LLGL2: variants seen among roughly 807,000 people sequenced by gnomAD.
LLGL2 encodes the protein LLGL scribble cell polarity complex component 2, also known as LLGL2, scribble cell polarity complex component.
In LLGL2, 81 loss-of-function variants were observed where a neutral mutation model predicts 123.2. That is an observed-to-expected ratio of 0.66 (90% CI 0.55 to 0.79). The LOEUF is 0.79. Ranked by LOEUF, LLGL2 falls within the 30% of genes least tolerant of loss-of-function variation. LLGL2 has a pLI of 0.00. For synonymous variants in LLGL2, 577 were observed against 594.1 expected (o/e 0.97, Z 0.42); for missense variants, 1,273 against 1,414.6 (o/e 0.90, Z 1.61).
intron 1 of LLGL2, chr17:75,542,593 T>C (rs1164534150): frequency 6.6e-6 from 1 of 152,216 alleles, no homozygotes; most frequent in Non-Finnish European, 1.5e-5. Context: ...GGCGGAGAGT[T>C]TAGGGGCCTT....
chr17:75,554,246 G>A (rs1387985417), intron 2 of LLGL2, among the ~76,000 whole-genome samples: 1 of 146,550 alleles, frequency 6.8e-6, no homozygotes, highest in South Asian at 2.1e-4. Context: ...AGTTTGCAGC[G>A]AGCCAAGATC....
intron 1 of LLGL2, among the ~76,000 whole-genome samples, chr17:75,532,336 C>T (rs1012221800): frequency 5.9e-5 from 9 of 151,942 alleles, no homozygotes; most frequent in Non-Finnish European, 4.4e-5. Context: ...CTGCAAGCTC[C>T]GCCTCCTGGG....
Position 75,558,998 on chromosome 17 carries a change from T to TCCTCCATCG in LLGL2, c.372-254_372-253insCCTCCATCG, listed in dbSNP as rs1568052703. 1 of 331,730 alleles carries TCCTCCATCG rather than the reference T, an allele frequency of 3.0e-6. No homozygotes were observed. Among genetic ancestry groups the TCCTCCATCG allele is most frequent in the Non-Finnish European group, 5.4e-6 (1 of 184,074 alleles). The allele number at this position is 331,730 out of a possible 1,614,324, so 20.5% of individuals were successfully genotyped here. On this transcript the variant is annotated intron_variant, in intron 5 of 25. Coordinates refer to ENST00000392550, the MANE Select transcript of LLGL2 (RefSeq NM_001031803.2). This position sits in a 1 kb window ranked among gnomAD's most constrained non-coding sequence, Gnocchi z 4.0. The stretch of plus-strand genomic sequence containing the variant: ...CCATCCGCACCCCGCCTCCTCCATC[T>TCCTCCATCG]GCACCCCGCCTCCTCCATCCGCACC...
At position 75,559,673 on chromosome 17, in the gene LLGL2, T is replaced by G. The variant is rs775993202; in HGVS notation, c.530+263T>G. 7.2e-5 allele frequency among the ~76,000 whole-genome samples: 11 copies of G among 152,234 alleles called. No homozygotes were observed. Among genetic ancestry groups the G allele is most frequent in the Non-Finnish European group, 1.3e-4 (9 of 68,036 alleles). On this transcript the variant is annotated intron_variant, in intron 6 of 25. Transcript: ENST00000392550. This position sits in a 1 kb window ranked among gnomAD's most constrained non-coding sequence, Gnocchi z 4.6. ...AATGACTGTGTAATGTCACCGACTG[T>G]CAGTCCAGTGTCCTTTGCACTTGCC...
intron 2 of LLGL2, among the ~76,000 whole-genome samples, chr17:75,552,020 T>G (rs976672060): frequency 1.3e-5 from 2 of 151,210 alleles, no homozygotes; most frequent in African/African-American, 4.9e-5. Context: ...TCCCAGCTAC[T>G]TGGGAGGCTG....
chr17:75,550,303 G>T (rs1175468986), intron 2 of LLGL2, among the ~76,000 whole-genome samples: 1 of 152,146 alleles, frequency 6.6e-6, no homozygotes, highest in Non-Finnish European at 1.5e-5. Flanking sequence ...GCTCAGGTGG[G>T]TACTTCCTTT....
chr17:75,571,960 A>G lies in LLGL2; in HGVS notation c.2356A>G (p.Ser786Gly), dbSNP rs1319225954. 1.2e-6 allele frequency: 2 copies of G among 1,612,850 alleles called. No homozygotes were observed. Among genetic ancestry groups the G allele is most frequent in the South Asian group, 1.1e-5 (1 of 91,082 alleles). ...VVGILVLDGH[S>G]VPLPEPLEVA... ...GGGCATCCTGGTGCTCGACGGACAC[A>G]GCGTACCCCTTCCCGAGCCCCTCGA... Residue 786 changes from serine to glycine, a missense_variant, in exon 19 of 26, where the codon AGC becomes GGC. Ser to Gly is a moderately conservative substitution (Grantham distance 56). Coordinates refer to ENST00000392550, the MANE Select transcript of LLGL2 (RefSeq NM_001031803.2).
Position 75,575,123 on chromosome 17 carries a change from C to T in LLGL2, c.*245C>T. 1 of 595,684 alleles carries T rather than the reference C, an allele frequency of 1.7e-6. No individual in the cohort carries two copies. The allele number at this position is 595,684 out of a possible 1,614,324, so 36.9% of individuals were successfully genotyped here. On this transcript the variant is annotated 3_prime_UTR_variant, in exon 26 of 26. Transcript: ENST00000392550. ...TTGCACAGTTTTTATTGCTCCCATCCCTTTTTGTAGTGGGCTGGGTTTTAA... is the reference window on the plus strand; with the variant it reads ...TTGCACAGTTTTTATTGCTCCCATCTCTTTTTGTAGTGGGCTGGGTTTTAA...
chr17:75,552,718 C>T (rs942752212), intron 2 of LLGL2, among the ~76,000 whole-genome samples: 1 of 152,200 alleles, frequency 6.6e-6, no homozygotes, highest in Non-Finnish European at 1.5e-5. Context: ...CGAAGCGTGG[C>T]CTGCCTGAGT....
chr17:75,570,233 C>A lies in LLGL2; in HGVS notation c.1852C>A (p.Gln618Lys). The A allele has an allele frequency of 6.2e-7, 1 of 1,601,048 alleles. No individual in the cohort carries two copies. Among genetic ancestry groups the A allele is most frequent in the Admixed American group, 1.7e-5 (1 of 58,086 alleles). Reference sequence around the variant, plus strand: ...TGGCTTTGGCCTCTTTGACCACCAGCAGCGGCGGCAGGTCTTTGTTAAGTG... The same window carrying A: ...TGGCTTTGGCCTCTTTGACCACCAGAAGCGGCGGCAGGTCTTTGTTAAGTG... The part of the protein sequence containing the change: ...SHGFGLFDHQ[Q>K]RRQVFVKCTL... The change falls in exon 15 of 26, where the codon CAG becomes AAG. Residue 618 changes from glutamine to lysine, a missense_variant. By Grantham distance (53) the Gln-to-Lys change is moderately conservative. Coordinates refer to ENST00000392550, the MANE Select transcript of LLGL2 (RefSeq NM_001031803.2).
In LLGL2 at chr17:75,571,063, C is replaced by T; in HGVS notation, c.2139C>T (p.Val713=). 1 of 1,612,894 alleles carries T rather than the reference C, an allele frequency of 6.2e-7. No individual in the cohort carries two copies. Among genetic ancestry groups the T allele is most frequent in the Non-Finnish European group, 8.5e-7 (1 of 1,179,902 alleles). ...CAGAGGACTCCTTCACAGGCTTCGTCCGGACCCTGTACTTTGCTGACACCT... is the reference window on the plus strand; with the variant it reads ...CAGAGGACTCCTTCACAGGCTTCGTTCGGACCCTGTACTTTGCTGACACCT... ...RSAEDSFTGF[V]RTLYFADTYL... Residue 713 remains valine, a synonymous_variant, in exon 17 of 26, where the codon GTC becomes GTT. Transcript: ENST00000392550.
At chr17:75,543,279 C>A in intron 1 of LLGL2, 118 bp from the exon 2 acceptor site, 1 of 627,100 alleles carries the variant, frequency 1.6e-6, no homozygotes, top group East Asian at 3.0e-5. Flanking sequence ...GCTGGCCTGG[C>A]CCCGGGGTGG....
chr17:75,536,866 C>G (rs2054021287), intron 1 of LLGL2, among the ~76,000 whole-genome samples: 1 of 152,178 alleles, frequency 6.6e-6, no homozygotes, highest in African/African-American at 2.4e-5. Context: ...CTTTCTCTGT[C>G]ACCCAGGCTG....
intron 6 of LLGL2, among the ~76,000 whole-genome samples, chr17:75,561,620 C>T (rs777972948): frequency 6.6e-6 from 1 of 151,800 alleles, no homozygotes; most frequent in East Asian, 1.9e-4. Flanking sequence ...GATCCTGTCT[C>T]TAAAAAGATT....
chr17:75,533,639 T>A (rs2053896960), intron 1 of LLGL2: 1 of 152,134 alleles, frequency 6.6e-6, no homozygotes, highest in South Asian at 2.1e-4. Flanking sequence ...TGTGTGGTTC[T>A]AGATGTTGGA....
In LLGL2 at chr17:75,563,177, A is replaced by G. The variant is rs2055298277; in HGVS notation, c.692A>G (p.Gln231Arg). The G allele has an allele frequency of 6.2e-7, 1 of 1,612,952 alleles. No homozygotes were observed. The highest frequency in any genetic ancestry group is 1.7e-5 in the Admixed American group (1 of 60,000). ...GTGCTCTACCACTTCCTCAGCAGCC[A>G]GGTAGGCAGTGCCCAGGACATGGCA... Reference protein sequence around the residue: ...SRVLYHFLSSQQLENIWWQRD... With the variant: ...SRVLYHFLSSRQLENIWWQRD... Residue 231 changes from glutamine (Q) to arginine (R), a missense_variant and splice_region_variant, in exon 7 of 26, where the codon CAG becomes CGG. Coordinates refer to ENST00000392550, the MANE Select transcript of LLGL2 (RefSeq NM_001031803.2).
In LLGL2 at chr17:75,564,516, G is replaced by A; in HGVS notation, c.1036+9G>A. On this transcript the variant is annotated intron_variant, in intron 10 of 25. Transcript: ENST00000392550. The surrounding 1 kb of genome is among the most constrained non-coding windows in gnomAD (Gnocchi z 4.9). ...GGCAGACCCTGCAGCCAGTAGGAGA[G>A]CTTCGGGAGTGGGTGCCCAGGGTTA... 1 of 1,613,074 alleles carries A rather than the reference G, an allele frequency of 6.2e-7. No individual in the cohort carries two copies. The highest frequency in any genetic ancestry group is 8.5e-7 in the Non-Finnish European group (1 of 1,179,880).
intron 8 of LLGL2, 112 bp from the exon 9 acceptor site, chr17:75,563,640 A>G: frequency 6.8e-7 from 1 of 1,480,232 alleles, no homozygotes; most frequent in Non-Finnish European, 9.4e-7. Context: ...AAGATTCCCA[A>G]GCACAGGTCT....
In LLGL2 at chr17:75,570,211, C is replaced by T; in HGVS notation, c.1830C>T (p.Gly610=). ...WRLVAFGTSH[G]FGLFDHQQRR... is the part of the protein sequence containing the mutation. ...TCGTGGCCTTCGGCACCAGCCATGG[C>T]TTTGGCCTCTTTGACCACCAGCAGC... Residue 610 remains glycine (G), a synonymous_variant, in exon 15 of 26, where the codon GGC becomes GGT. Transcript: ENST00000392550. 6.3e-7 allele frequency: 1 copy of T among 1,598,716 alleles called. No individual in the cohort carries two copies. Among genetic ancestry groups the T allele is most frequent in the Non-Finnish European group, 8.5e-7 (1 of 1,174,132 alleles).
Sources: allele counts gnomAD v4.1 joint callset (sites outside exome capture counted in the v4.1 genomes callset), GRCh38; gene constraint gnomAD v4.1.1; non-coding constraint Gnocchi (gnomAD v3.1); transcripts MANE v1.5; gene names NCBI Gene and HGNC (gene_info 2026-07-23, HGNC 2026-07-21).